The following KBTBD8 variants were observed in gnomAD, a reference collection of about 807,000 sequenced individuals.
KBTBD8 encodes the protein kelch repeat and BTB domain-containing protein 8.
Under a neutral mutation model 53.5 loss-of-function variants are expected in KBTBD8, and 31 were observed. That is an observed-to-expected ratio of 0.58 (90% CI 0.44 to 0.78). The LOEUF is 0.78. Among genes scored for constraint, KBTBD8 ranks in the 30% least tolerant of loss-of-function variants. The pLI, the probability that KBTBD8 is intolerant of heterozygous loss-of-function variation, is 0.00. For synonymous variants in KBTBD8, 250 were observed against 247.3 expected (o/e 1.01, Z -0.10); for missense variants, 642 against 735.8 (o/e 0.87, Z 1.48).
intron 2 of KBTBD8, among the ~76,000 whole-genome samples, chr3:67,001,210 T>A (rs924529656): frequency 6.6e-6 from 1 of 152,186 alleles, no homozygotes; most frequent in Admixed American, 6.5e-5. Flanking sequence ...TGCTAGAGGT[T>A]TTTGTACTGA....
At chr3:67,006,385 C>A (rs963095897) in intron 3 of KBTBD8, among the ~76,000 whole-genome samples, 39 of 152,058 alleles carry the variant, frequency 2.6e-4, no homozygotes, top group Admixed American at 3.9e-4. Context: ...GACTCTGAAG[C>A]CCTAAGGGTT....
At chr3:67,003,068 G>A in intron 2 of KBTBD8, 127 bp from the exon 3 acceptor site, 1 of 975,004 alleles carries the variant, frequency 1.0e-6, no homozygotes, top group South Asian at 1.6e-5. Context: ...CAGAATATCA[G>A]GGACTATTTT....
chr3:67,000,401 T>C (rs1038840513), intron 2 of KBTBD8, among the ~76,000 whole-genome samples: 1 of 152,246 alleles, frequency 6.6e-6, no homozygotes, highest in Admixed American at 6.5e-5. Flanking sequence ...GTTAGGTCAT[T>C]TGTATGTTTA....
At chr3:67,007,570 C>T (rs1702079410) in intron 3 of KBTBD8, among the ~76,000 whole-genome samples, 1 of 152,066 alleles carries the variant, frequency 6.6e-6, no homozygotes, top group African/African-American at 2.4e-5. Flanking sequence ...CCACCCGTCT[C>T]AGCCTCCCAA....
chr3:67,007,743 T>C (rs1171492210), intron 3 of KBTBD8, among the ~76,000 whole-genome samples, 179 bp from the exon 4 acceptor site: 1 of 152,138 alleles, frequency 6.6e-6, no homozygotes, highest in African/African-American at 2.4e-5. Context: ...AATGACAAAG[T>C]TTTAAGGTAT....
intron 3 of KBTBD8, among the ~76,000 whole-genome samples, chr3:67,004,946 T>A (rs1311831101): frequency 6.6e-6 from 1 of 151,934 alleles, no homozygotes; most frequent in Admixed American, 6.6e-5. Flanking sequence ...GAGATGTCCC[T>A]TTTTTTTGGT....
intron 2 of KBTBD8, among the ~76,000 whole-genome samples, chr3:67,001,676 G>A (rs1314455088): frequency 2.0e-5 from 3 of 152,088 alleles, no homozygotes; most frequent in African/African-American, 7.2e-5. Flanking sequence ...ACATACGTAG[G>A]AACATCTAGT....
chr3:66,999,471 C>T lies in KBTBD8; in HGVS notation c.227+280C>T, dbSNP rs183751001. Among the ~76,000 whole-genome samples, 462 of 152,176 alleles carry T rather than the reference C, an allele frequency of 3.0e-3. 2 individuals are homozygous for T. The highest frequency in any genetic ancestry group is 4.8e-3 in the Non-Finnish European group (327 of 68,000). On this transcript the variant is annotated intron_variant, in intron 2 of 3. Transcript: ENST00000417314. ...AGACTTGTGCTGGTCAGTATGGAAG[C>T]CAGTAGCCATGTGTGGCTGTTTAAA...
chr3:66,998,940 G>T, intron 1 of KBTBD8, 41 bp from the exon 2 acceptor site: 1 of 1,466,568 alleles, frequency 6.8e-7, no homozygotes, highest in South Asian at 1.2e-5. Context: ...GCCGTAACTG[G>T]CTCGGCACTT....
At chr3:67,003,057 T>C in intron 2 of KBTBD8, 138 bp from the exon 3 acceptor site, 1 of 905,298 alleles carries the variant, frequency 1.1e-6, no homozygotes. Context: ...TTACTCCTAT[T>C]CAGAATATCA....
Position 67,004,322 on chromosome 3 carries a change from G to T in KBTBD8, c.1342+13G>T, listed in dbSNP as rs1041379692. The T allele has an allele frequency of 6.2e-7, 1 of 1,603,134 alleles. No individual in the cohort carries two copies. Among genetic ancestry groups the T allele is most frequent in the Non-Finnish European group, 8.5e-7 (1 of 1,171,726 alleles). ...TATGTTTTACAGGGTAGGTGCCTAAGTGATTTAGTTTTTCATGGAAGGGTA... is the reference window on the plus strand; with the variant it reads ...TATGTTTTACAGGGTAGGTGCCTAATTGATTTAGTTTTTCATGGAAGGGTA... On this transcript the variant is annotated intron_variant, in intron 3 of 3. Transcript: ENST00000417314.
At chr3:67,007,214 TG>T (rs1284581735) in intron 3 of KBTBD8, among the ~76,000 whole-genome samples, 1 of 152,214 alleles carries the variant, frequency 6.6e-6, no homozygotes, top group Non-Finnish European at 1.5e-5. Flanking sequence ...GTATGCATTT[TG>T]GTCTTACTGG....
At position 67,008,120 on chromosome 3, in the gene KBTBD8, A is replaced by G. The variant is rs1219128644; in HGVS notation, c.1541A>G (p.Asp514Gly). The G allele has an allele frequency of 1.2e-6, 2 of 1,613,996 alleles. No individual in the cohort carries two copies. The highest frequency in any genetic ancestry group is 2.7e-5 in the African/African-American group (2 of 74,914). Residue 514 changes from aspartate to glycine, a missense_variant, in exon 4 of 4, where the codon GAC becomes GGC. By Grantham distance (94) the Asp-to-Gly change is moderately conservative (BLOSUM62 -1). Coordinates refer to ENST00000417314, the MANE Select transcript of KBTBD8 (RefSeq NM_032505.3). Reference sequence around the variant, plus strand: ...CTAAATAAATGGACTCGTAAGAAAGACTTTCCATGTGATCAGTCCATAAAT... The same window carrying G: ...CTAAATAAATGGACTCGTAAGAAAGGCTTTCCATGTGATCAGTCCATAAAT... ...IELNKWTRKK[D>G]FPCDQSINPY...
intron 3 of KBTBD8, among the ~76,000 whole-genome samples, chr3:67,006,288 A>T (rs1702063506): frequency 6.6e-6 from 1 of 152,246 alleles, no homozygotes; most frequent in African/African-American, 2.4e-5. Flanking sequence ...TAATGCAAAT[A>T]CTAAAGCAAA....
In KBTBD8 at chr3:67,008,187, A is replaced by C; in HGVS notation, c.1608A>C (p.Leu536Phe). 6.2e-7 allele frequency: 1 copy of C among 1,614,102 alleles called. No homozygotes were observed. Among genetic ancestry groups the C allele is most frequent in the Non-Finnish European group, 8.5e-7 (1 of 1,179,996 alleles). The change falls in exon 4 of 4, where the codon TTA becomes TTC. Residue 536 changes from leucine to phenylalanine, a missense_variant. By Grantham distance (22) the Leu-to-Phe change is conservative (BLOSUM62 0). Transcript: ENST00000417314. ...KLVLFQNKLH[L>F]FVRATQVTVE... ...TACTTTTCCAGAACAAACTCCATTT[A>C]TTTGTTCGAGCTACTCAAGTGACTG...
In KBTBD8 at chr3:67,008,017, A is replaced by G. The variant is rs755839121; in HGVS notation, c.1438A>G (p.Lys480Glu). 7 of 1,613,604 alleles carry G rather than the reference A, an allele frequency of 4.3e-6. No homozygotes were observed. The highest frequency in any genetic ancestry group is 5.9e-6 in the Non-Finnish European group (7 of 1,179,698). ...AATCCAGGGCTTAGCAGCTGTATAC[A>G]AGGACTCTATCTACTACATAGCTGG... The part of the protein sequence containing the change: ...PRIQGLAAVY[K>E]DSIYYIAGTC... The change falls in exon 4 of 4, where the codon AAG becomes GAG. Residue 480 changes from lysine (K) to glutamate (E), a missense_variant. Physicochemically the swap from Lys to Glu is moderately conservative, Grantham distance 56. Coordinates refer to ENST00000417314, the MANE Select transcript of KBTBD8 (RefSeq NM_032505.3).
chr3:67,002,687 G>A (rs1388893983), intron 2 of KBTBD8, among the ~76,000 whole-genome samples: 1 of 151,848 alleles, frequency 6.6e-6, no homozygotes, highest in Non-Finnish European at 1.5e-5. Flanking sequence ...TTTTAGTAGA[G>A]ATGGGGTTTC....
intron 3 of KBTBD8, among the ~76,000 whole-genome samples, chr3:67,006,936 A>T (rs1702068280): frequency 6.6e-6 from 1 of 152,216 alleles, no homozygotes; most frequent in Admixed American, 6.5e-5. Flanking sequence ...TCTTTCAGAC[A>T]TTTTCATATT....
chr3:66,999,524 A>G (rs889471955), intron 2 of KBTBD8, among the ~76,000 whole-genome samples: 1 of 152,162 alleles, frequency 6.6e-6, no homozygotes, highest in African/African-American at 2.4e-5. Flanking sequence ...ATAAAATAAA[A>G]CATTTAGTTC....
Sources: allele counts gnomAD v4.1 joint callset (sites outside exome capture counted in the v4.1 genomes callset), GRCh38; gene constraint gnomAD v4.1.1; transcripts MANE v1.5; gene names NCBI Gene and HGNC (gene_info 2026-07-23, HGNC 2026-07-21).